Variants in MAP3K8 observed in about 807,000 individuals in gnomAD.
MAP3K8 encodes the protein Ewing sarcoma transformant.
Under a neutral mutation model 45.8 loss-of-function variants are expected in MAP3K8, and 22 were observed. That is an observed-to-expected ratio of 0.48 (90% CI 0.34 to 0.69). The LOEUF (loss-of-function observed/expected upper bound fraction) is 0.69, where lower values mean the gene tolerates loss of function less well. Ranked by LOEUF, MAP3K8 falls within the 30% of genes least tolerant of loss-of-function variation. The pLI, the probability that MAP3K8 is intolerant of heterozygous loss-of-function variation, is 0.01. For missense variants in MAP3K8, 419 were observed against 585.0 expected, an observed-to-expected ratio of 0.72 and a Z score of 2.93; for synonymous variants, 223 against 214.3, an observed-to-expected ratio of 1.04 and a Z score of -0.36.
intron 3 of MAP3K8, among the ~76,000 whole-genome samples, chr10:30,446,030 A>G (rs968984957): frequency 1.3e-5 from 2 of 150,972 alleles, no homozygotes; most frequent in Admixed American, 6.6e-5. Flanking sequence ...GATTTGTCAC[A>G]TTCCCTTCAG....
At chr10:30,459,603 T>C in intron 8 of MAP3K8, 102 bp downstream of exon 8, 1 of 1,378,544 alleles carries the variant, frequency 7.3e-7, no homozygotes, top group Non-Finnish European at 9.9e-7. Context: ...AAAAAGGAAA[T>C]GACTTCTTGA....
chr10:30,448,414 T>TTTATTA (rs1554773753), intron 4 of MAP3K8, among the ~76,000 whole-genome samples: 54 of 136,442 alleles, frequency 4.0e-4, no homozygotes, highest in African/African-American at 1.2e-3. Context: ...CTATCCCAAA[T>TTTATTA]TTATTATTAT....
Position 30,459,311 on chromosome 10 carries a change from G to A in MAP3K8, c.1083G>A (p.Met361Ile), listed in dbSNP as rs1267327326. Residue 361 changes from methionine to isoleucine, a missense_variant, in exon 8 of 9, where the codon ATG (methionine) becomes ATA (isoleucine). Coordinates refer to ENST00000263056, the MANE Select transcript of MAP3K8 (RefSeq NM_005204.4). ...TTGCAGATGACTGCAGTCCAGGGAT[G>A]AGAGAGCTGATAGAAGCTTCCCTGG... ...EDIADDCSPG[M>I]RELIEASLER... is the part of the protein sequence containing the mutation. 1.9e-6 allele frequency: 3 copies of A among 1,614,196 alleles called. No individual in the cohort carries two copies. The South Asian group carries it at 3.3e-5, about 18-fold the overall frequency.
chr10:30,434,351 G>T lies in MAP3K8; in HGVS notation c.-282G>T. On this transcript the variant is annotated 5_prime_UTR_variant, in exon 1 of 9. Transcript: ENST00000263056. The stretch of plus-strand genomic sequence containing the variant: ...TCGGGGGGCCGCGGCTGGAGCGCTC[G>T]GCCGGCGTGGGAGCGCCAAGGCCGC... 1.4e-6 allele frequency: 1 copy of T among 703,292 alleles called. No homozygotes were observed. The highest frequency in any genetic ancestry group is 1.7e-6 in the Non-Finnish European group (1 of 571,988). 43.6% of individuals were successfully genotyped at this position (703,292 alleles called of 1,614,324 possible). A position where few individuals can be genotyped will look rare whatever the true frequency, so the allele number is the denominator to read the frequency against.
intron 4 of MAP3K8, among the ~76,000 whole-genome samples, chr10:30,449,615 T>G (rs975515018): frequency 2.6e-5 from 4 of 152,342 alleles, no homozygotes; most frequent in Middle Eastern, 3.4e-3. Flanking sequence ...ATGTCTTGGT[T>G]TCTCTTATTG....
At chr10:30,444,893 T>A (rs1317821079) in intron 3 of MAP3K8, among the ~76,000 whole-genome samples, 1 of 152,238 alleles carries the variant, frequency 6.6e-6, no homozygotes, top group Admixed American at 6.5e-5. Context: ...CAAATCCTAA[T>A]GCCAGCACTA....
intron 5 of MAP3K8, 28 bp downstream of exon 5, chr10:30,450,547 T>C (rs199591922): frequency 5.0e-6 from 8 of 1,609,220 alleles, no homozygotes; most frequent in African/African-American, 1.3e-5. Flanking sequence ...TATACCTTTT[T>C]GGCTCAAAGA....
At chr10:30,441,155 G>T (rs1249395480) in intron 3 of MAP3K8, among the ~76,000 whole-genome samples, 7 of 149,614 alleles carry the variant, frequency 4.7e-5, no homozygotes, top group South Asian at 4.2e-4. Flanking sequence ...TAATTAAGGA[G>T]AATTCTTTTT....
Position 30,460,945 on chromosome 10 carries a change from C to T in MAP3K8, c.*109C>T. 1.4e-6 allele frequency: 2 copies of T among 1,395,558 alleles called. No individual in the cohort carries two copies. 86.4% of individuals were successfully genotyped at this position (1,395,558 alleles called of 1,614,324 possible). Reference sequence around the variant, plus strand: ...GTGAATGGTGCCATTTTCGAAGGAGCAGTGTGACCTCCTGTGACCCGTGAA... The same window carrying T: ...GTGAATGGTGCCATTTTCGAAGGAGTAGTGTGACCTCCTGTGACCCGTGAA... On this transcript the variant is annotated 3_prime_UTR_variant, in exon 9 of 9. Transcript: ENST00000263056.
At chr10:30,458,331 A>C in intron 7 of MAP3K8, 95 bp downstream of exon 7, 1 of 773,578 alleles carries the variant, frequency 1.3e-6, no homozygotes, top group Non-Finnish European at 1.8e-6. Flanking sequence ...CTTCTATACC[A>C]CCCCCATCTG....
At chr10:30,451,088 C>T (rs1182142966) in intron 5 of MAP3K8, among the ~76,000 whole-genome samples, 2 of 141,816 alleles carry the variant, frequency 1.4e-5, no homozygotes, top group African/African-American at 2.7e-5. Context: ...AGCAAAACTC[C>T]GTCTCAAAAA....
At chr10:30,436,137 T>G (rs1487197535) in intron 1 of MAP3K8, among the ~76,000 whole-genome samples, 1 of 152,208 alleles carries the variant, frequency 6.6e-6, no homozygotes, top group Non-Finnish European at 1.5e-5. Flanking sequence ...AGTAGGAATT[T>G]TATGAGGACT....
chr10:30,451,546 A>G, intron 5 of MAP3K8, 92 bp from the exon 6 acceptor site: 1 of 611,504 alleles, frequency 1.6e-6, no homozygotes, highest in South Asian at 2.6e-5. Context: ...GTCTTTTCTG[A>G]TTGGAGATTC....
intron 3 of MAP3K8, among the ~76,000 whole-genome samples, chr10:30,441,230 C>G (rs905690507): frequency 6.6e-6 from 1 of 151,536 alleles, no homozygotes; most frequent in Non-Finnish European, 1.5e-5. Flanking sequence ...AATCTTGGCT[C>G]ACTGCAATCT....
intron 3 of MAP3K8, among the ~76,000 whole-genome samples, chr10:30,444,426 G>T (rs1836238689): frequency 6.6e-6 from 1 of 151,770 alleles, no homozygotes; most frequent in African/African-American, 2.4e-5. Flanking sequence ...TCGCCCCATT[G>T]CACTCCAGCC....
At chr10:30,449,054 T>G (rs1324652284) in intron 4 of MAP3K8, among the ~76,000 whole-genome samples, 1 of 152,254 alleles carries the variant, frequency 6.6e-6, no homozygotes, top group Non-Finnish European at 1.5e-5. Flanking sequence ...ATAACCATTA[T>G]GTTGAGCCCA....
Position 30,460,732 on chromosome 10 carries a change from G to A in MAP3K8, c.1300G>A (p.Glu434Lys), listed in dbSNP as rs1392269960. Residue 434 changes from glutamate (E) to lysine (K), a missense_variant, in exon 9 of 9, where the codon GAA becomes AAA. Physicochemically the swap from Glu to Lys is moderately conservative, Grantham distance 56. Around this residue, in one of 3 missense-constraint regions of MAP3K8, gnomAD observed 108 missense variants for 124.2 expected, o/e 0.87. Transcript: ENST00000263056. ...ADSSCTGSTE[E>K]SEMLKRQRSL... ...TTCTTCGTGCACAGGAAGCACCGAG[G>A]AATCTGAGATGCTCAAGAGGCAACG... The A allele has an allele frequency of 1.2e-6, 2 of 1,611,858 alleles. No individual in the cohort carries two copies. The highest frequency in any genetic ancestry group is 1.1e-5 in the South Asian group (1 of 90,794).
rs372120772 is a variant in MAP3K8 at position 30,438,980 on chromosome 10, T to G, written c.42T>G (p.Ile14Met). The G allele has an allele frequency of 1.2e-6, 2 of 1,612,324 alleles. No individual in the cohort carries two copies. Residue 14 changes from isoleucine (I) to methionine (M), a missense_variant, in exon 3 of 9, where the codon ATT becomes ATG. Physicochemically the swap from Ile to Met is conservative, Grantham distance 10. Around this residue, in one of 3 missense-constraint regions of MAP3K8, gnomAD observed 102 missense variants for 93.5 expected, o/e 1.09. Coordinates refer to ENST00000263056, the MANE Select transcript of MAP3K8 (RefSeq NM_005204.4). ...CTGGAAGTGACAATAAAGAAGAGATTGATTTATTAATTAAACATTTAAATG... is the reference window on the plus strand; with the variant it reads ...CTGGAAGTGACAATAAAGAAGAGATGGATTTATTAATTAAACATTTAAATG... ...MSTGSDNKEE[I>M]DLLIKHLNVS...
At chr10:30,446,067 TA>T (rs202179259) in intron 3 of MAP3K8, among the ~76,000 whole-genome samples, 1 of 80,002 alleles carries the variant, frequency 1.2e-5, no homozygotes, top group African/African-American at 7.4e-5. Flanking sequence ...TTTTAAGTTT[TA>T]AAAAAATAGA....
Sources: gnomAD v4.1 joint callset for allele counts (sites outside exome capture counted in the v4.1 genomes callset) on GRCh38, gnomAD v4.1.1 for gene constraint, gnomAD v4.1.1 regional missense constraint, MANE v1.5 for transcripts, NCBI Gene and HGNC (gene_info 2026-07-23, HGNC 2026-07-21) for gene names.